The following GZMK variants were observed in gnomAD, a reference collection of about 807,000 sequenced individuals.
The protein encoded by GZMK is NK-Tryp-2.
In GZMK, 18 loss-of-function variants were observed where a neutral mutation model predicts 22.8. The observed-to-expected ratio is 0.79, with a 90% confidence interval of 0.54 to 1.17. GZMK has a LOEUF of 1.17. GZMK is among the 50% of genes most tolerant of loss of function. The pLI is 0.00. For missense variants in GZMK, 342 were observed against 320.2 expected, an observed-to-expected ratio of 1.07 and a Z score of -0.52; for synonymous variants, 136 against 115.0, an observed-to-expected ratio of 1.18 and a Z score of -1.17.
At chr5:55,031,775 G>A in intron 4 of GZMK, 142 bp downstream of exon 4, 2 of 646,962 alleles carry the variant, frequency 3.1e-6, no homozygotes, top group African/African-American at 1.8e-5. Context: ...TTCCTGCACA[G>A]CATTCTCTAT....
Position 55,031,504 on chromosome 5 carries a change from G to A in GZMK, c.504G>A (p.Leu168=), listed in dbSNP as rs781226539. 9.3e-6 allele frequency: 15 copies of A among 1,614,206 alleles called. No individual in the cohort carries two copies. Among genetic ancestry groups the A allele is most frequent in the Admixed American group, 5.0e-5 (3 of 60,030 alleles). ...DPDSLRPSDT[L]REVTVTVLSR... is the part of the protein sequence containing the mutation. ...ATTCATTAAGACCTTCTGACACCCT[G>A]CGAGAAGTCACTGTTACTGTCCTAA... Residue 168 remains leucine (L), a synonymous_variant, in exon 4 of 5, where the codon CTG becomes CTA. Coordinates refer to ENST00000231009, the MANE Select transcript of GZMK (RefSeq NM_002104.3).
intron 2 of GZMK, among the ~76,000 whole-genome samples, chr5:55,029,883 G>A (rs1741194040): frequency 6.6e-6 from 1 of 152,078 alleles, no homozygotes; most frequent in African/African-American, 2.4e-5. Context: ...ACTTAATGTT[G>A]GGAAGATAAA....
intron 2 of GZMK, among the ~76,000 whole-genome samples, chr5:55,029,551 T>C (rs1432225560): frequency 1.9e-5 from 1 of 52,084 alleles, no homozygotes; most frequent in Non-Finnish European, 3.0e-5. Flanking sequence ...TTTTTGTTTG[T>C]TTGTTTGTTT....
At chr5:55,025,789 T>C (rs934684500) in intron 2 of GZMK, 1 of 152,250 alleles carries the variant, frequency 6.6e-6, no homozygotes, top group Non-Finnish European at 1.5e-5. Flanking sequence ...TGAATTGATT[T>C]GCTTTTCTAT....
intron 2 of GZMK, among the ~76,000 whole-genome samples, chr5:55,026,570 A>G (rs1741146335): frequency 6.6e-6 from 1 of 152,290 alleles, no homozygotes; most frequent in Middle Eastern, 3.4e-3. Context: ...AAGCTTTATG[A>G]AATTCAAAAT....
intron 2 of GZMK, 130 bp from the exon 3 acceptor site, chr5:55,030,304 C>A: frequency 1.3e-6 from 1 of 792,792 alleles, no homozygotes; most frequent in Non-Finnish European, 2.0e-6. Flanking sequence ...GTCACTCCAC[C>A]TAATCTTAGG....
At chr5:55,029,542 TTTTGTTTGTTTGTTTG>T (rs72151093) in intron 2 of GZMK, among the ~76,000 whole-genome samples, 5 of 150,388 alleles carry the variant, frequency 3.3e-5, no homozygotes, top group Admixed American at 6.6e-5. Context: ...TCTTTGTGGT[TTTTGTTTGTTTGTTTG>T]TTTGTTTGTT....
At position 55,031,686 on chromosome 5, in the gene GZMK, C is replaced by G. The variant is rs1423355730; in HGVS notation, c.633+53C>G. 2.7e-6 allele frequency: 4 copies of G among 1,464,886 alleles called. No homozygotes were observed. In the African/African-American group the frequency reaches 4.2e-5, roughly 15 times the overall value. The allele number at this position is 1,464,886 out of a possible 1,614,324, so 90.7% of individuals were successfully genotyped here. On this transcript the variant is annotated intron_variant, in intron 4 of 4. Transcript: ENST00000231009. ...CTTGGAGCGCTGTACAGTAGCCAAG[C>G]CTCTATTGCTCACTGACACTGAGGA...
Position 55,034,270 on chromosome 5 carries a change from T to C in GZMK, c.*344T>C, listed in dbSNP as rs547155092. 7.5e-5 allele frequency: 16 copies of C among 213,234 alleles called. No homozygotes were observed. In the South Asian group the frequency reaches 1.5e-3, roughly 20 times the overall value. 13.2% of individuals were successfully genotyped at this position (213,234 alleles called of 1,614,324 possible). A position where few individuals can be genotyped will look rare whatever the true frequency, so the allele number is the denominator to read the frequency against. On this transcript the variant is annotated 3_prime_UTR_variant, in exon 5 of 5. Coordinates refer to ENST00000231009, the MANE Select transcript of GZMK (RefSeq NM_002104.3). ...TAACTTCTGCTGGATCATCCTAAGT[T>C]GTTGGGTTGTTTTCTTTTCATTGTT...
chr5:55,030,438 A>T lies in GZMK; in HGVS notation c.217A>T (p.Thr73Ser). The change falls in exon 3 of 5, where the codon ACC becomes TCC. Residue 73 changes from threonine (T) to serine (S), a missense_variant. Coordinates refer to ENST00000231009, the MANE Select transcript of GZMK (RefSeq NM_002104.3). Reference protein sequence around the residue: ...LTAAHCQYRFTKGQSPTVVLG... With the variant: ...LTAAHCQYRFSKGQSPTVVLG... Reference sequence around the variant, plus strand: ...CATTGTCTTTGCTTTTTTTAGGTTTACCAAAGGCCAGTCTCCCACTGTGGT... The same window carrying T: ...CATTGTCTTTGCTTTTTTTAGGTTTTCCAAAGGCCAGTCTCCCACTGTGGT... The T allele has an allele frequency of 6.2e-7, 1 of 1,611,542 alleles. No individual in the cohort carries two copies. Among genetic ancestry groups the T allele is most frequent in the Non-Finnish European group, 8.5e-7 (1 of 1,179,282 alleles).
In GZMK at chr5:55,024,384, T is replaced by G. The variant is rs1741111582; in HGVS notation, c.62T>G (p.Val21Gly). Residue 21 changes from valine to glycine, a missense_variant and splice_region_variant, in exon 1 of 5, where the codon GTG becomes GGG. Transcript: ENST00000231009. ...FLIVGAYMTH[V>G]CFNMEIIGGK... is the part of the protein sequence containing the mutation. ...ATAGTTGGGGCTTATATGACTCATGTGTGTAAGTATCTCCTATATCTACAT... is the reference window on the plus strand; with the variant it reads ...ATAGTTGGGGCTTATATGACTCATGGGTGTAAGTATCTCCTATATCTACAT... 1 of 1,363,912 alleles carries G rather than the reference T, an allele frequency of 7.3e-7. No homozygotes were observed. Among genetic ancestry groups the G allele is most frequent in the Non-Finnish European group, 1.0e-6 (1 of 954,424 alleles). The allele number at this position is 1,363,912 out of a possible 1,614,324, so 84.5% of individuals were successfully genotyped here.
In GZMK at chr5:55,030,531, C is replaced by A. The variant is rs1238693903; in HGVS notation, c.310C>A (p.Pro104Thr). ...KQTLEIKKFI[P>T]FSRVTSDPQS... ...AACACTGGAGATCAAAAAATTTATA[C>A]CATTCTCAAGAGTTACATCAGATCC... The change falls in exon 3 of 5, where the codon CCA becomes ACA. Residue 104 changes from proline to threonine, a missense_variant. Physicochemically the swap from Pro to Thr is conservative, Grantham distance 38. Transcript: ENST00000231009. 12 of 1,611,658 alleles carry A rather than the reference C, an allele frequency of 7.4e-6. No individual in the cohort carries two copies. The highest frequency in any genetic ancestry group is 1.0e-5 in the Non-Finnish European group (12 of 1,177,776).
Position 55,033,897 on chromosome 5 carries a change from A to G in GZMK, c.766A>G (p.Ser256Gly). 6.2e-7 allele frequency: 1 copy of G among 1,612,278 alleles called. No homozygotes were observed. Among genetic ancestry groups the G allele is most frequent in the Non-Finnish European group, 8.5e-7 (1 of 1,179,452 alleles). ...LTKKYQTWIK[S>G]NLVPPHTN is the part of the protein sequence containing the mutation. ...CAAGAAATACCAGACTTGGATCAAA[A>G]GCAACCTTGTCCCGCCTCATACAAA... The change falls in exon 5 of 5, where the codon AGC (serine) becomes GGC (glycine). Residue 256 changes from serine (S) to glycine (G), a missense_variant. By Grantham distance (56) the Ser-to-Gly change is moderately conservative. Transcript: ENST00000231009.
In GZMK at chr5:55,031,405, C is replaced by A; in HGVS notation, c.405C>A (p.Leu135=). ...AACTCAATAAACATGTCAAGATGCT[C>A]CACATAAGATCCAAAACCTCTCTTA... ...AAKLNKHVKM[L]HIRSKTSLRS... is the part of the protein sequence containing the mutation. The change falls in exon 4 of 5, where the codon CTC becomes CTA. Residue 135 remains leucine, a synonymous_variant. Transcript: ENST00000231009. The A allele has an allele frequency of 4.3e-6, 7 of 1,613,280 alleles. No homozygotes were observed. The highest frequency in any genetic ancestry group is 5.1e-6 in the Non-Finnish European group (6 of 1,179,174).
chr5:55,027,800 C>T (rs752889949), intron 2 of GZMK, among the ~76,000 whole-genome samples: 1 of 152,216 alleles, frequency 6.6e-6, no homozygotes, highest in Non-Finnish European at 1.5e-5. Context: ...ACATTTTAAA[C>T]CAACACCTCC....
intron 3 of GZMK, 96 bp from the exon 4 acceptor site, chr5:55,031,268 G>A (rs950331014): frequency 1.3e-5 from 13 of 1,008,944 alleles, no homozygotes; most frequent in South Asian, 3.1e-5. Flanking sequence ...GAACAGGGAC[G>A]CCCGCCTAAG....
In GZMK at chr5:55,033,959, C is replaced by CT. The variant is rs751867314; in HGVS notation, c.*39dup. On this transcript the variant is annotated 3_prime_UTR_variant, in exon 5 of 5. Transcript: ENST00000231009. ...ATAATTTTATTGGATGCACTTGCTT[C>CT]TTTTTTCCTAATATGCTCGCAGGTT... 16 of 1,573,862 alleles carry CT rather than the reference C, an allele frequency of 1.0e-5. No individual in the cohort carries two copies. The African/African-American group carries it at 1.6e-4, about 16-fold the overall frequency.
rs758145420 is a variant in GZMK at position 55,027,236 on chromosome 5, A to C, written c.212+2429A>C. Among the ~76,000 whole-genome samples the C allele has an allele frequency of 8.5e-5, 13 of 152,250 alleles. 1 individual carries two copies. The highest frequency in any genetic ancestry group is 1.9e-4 in the Non-Finnish European group (13 of 68,038). ...GAACACAAAGAACTTAATAGATGTTATCGAGTATTGTTATACAATTATCTG... is the reference window on the plus strand; with the variant it reads ...GAACACAAAGAACTTAATAGATGTTCTCGAGTATTGTTATACAATTATCTG... On this transcript the variant is annotated intron_variant, in intron 2 of 4. Transcript: ENST00000231009.
chr5:55,024,822 CT>C lies in GZMK; in HGVS notation c.212+19del. On this transcript the variant is annotated intron_variant, in intron 2 of 4. Coordinates refer to ENST00000231009, the MANE Select transcript of GZMK (RefSeq NM_002104.3). ...TGCCAATATCGGTGAGTCCTCCACA[CT>C]TTTCCAGACATGTGTTTTTTCTGAA... 6.6e-7 allele frequency: 1 copy of C among 1,524,924 alleles called. No individual in the cohort carries two copies. The highest frequency in any genetic ancestry group is 8.9e-7 in the Non-Finnish European group (1 of 1,123,096). The allele number at this position is 1,524,924 out of a possible 1,614,324, so 94.5% of individuals were successfully genotyped here.
Sources: gnomAD v4.1 joint callset for allele counts (sites outside exome capture counted in the v4.1 genomes callset) on GRCh38, gnomAD v4.1.1 for gene constraint, MANE v1.5 for transcripts, NCBI Gene and HGNC (gene_info 2026-07-23, HGNC 2026-07-21) for gene names.